COL6A1: variants seen among roughly 807,000 people sequenced by gnomAD.
COL6A1 encodes collagen alpha-1(VI) chain.
COL6A1 carries 80 observed loss-of-function variants against 145.6 expected under a neutral mutation model. That is an observed-to-expected ratio of 0.55 (90% CI 0.46 to 0.66). COL6A1 has a LOEUF of 0.66. Among genes scored for constraint, COL6A1 ranks in the 30% least tolerant of loss-of-function variants. The pLI, the probability that COL6A1 is intolerant of heterozygous loss-of-function variation, is 0.00. For missense variants in COL6A1, 1,364 were observed against 1,473.8 expected, an observed-to-expected ratio of 0.93 and a Z score of 1.22; for synonymous variants, 638 against 622.8, an observed-to-expected ratio of 1.02 and a Z score of -0.36.
At position 45,987,511 on chromosome 21, in the gene COL6A1, G is replaced by A. The variant is rs145849970; in HGVS notation, c.751G>A (p.Glu251Lys). 2.6e-4 allele frequency: 412 copies of A among 1,612,948 alleles called. 2 individuals carry two copies. The highest frequency in any genetic ancestry group is 1.2e-3 in the South Asian group (106 of 91,084). ...NNVEQVCCSFECQPARGPPGL... is the reference protein window; with the variant it reads ...NNVEQVCCSFKCQPARGPPGL... ...TTTCCCCCCACAGTGCTGCTCCTTC[G>A]AATGCCAGGTGAGTGTGCCCCCCGA... Residue 251 changes from glutamate to lysine, a missense_variant, in exon 7 of 35, where the codon GAA becomes AAA. Around this residue, in one of 3 missense-constraint regions of COL6A1, gnomAD observed 414 missense variants for 437.6 expected, o/e 0.95. Transcript: ENST00000361866.
In COL6A1 at chr21:45,997,519, G is replaced by GA. The variant is rs749128231; in HGVS notation, c.1461+36_1461+37insA. 2.1e-6 allele frequency: 3 copies of GA among 1,453,446 alleles called. 1 individual carries two copies. The highest frequency in any genetic ancestry group is 3.5e-4 in the Middle Eastern group (2 of 5,720). The allele number at this position is 1,453,446 out of a possible 1,614,324, so 90.0% of individuals were successfully genotyped here. ...CTCCCCACCCACACCCGCCCACCCA[G>GA]GGGGGCCTGAGGATCCAGAACCCAC... On this transcript the variant is annotated intron_variant, in intron 21 of 34. Transcript: ENST00000361866.
In COL6A1 at chr21:45,999,789, T is replaced by A; in HGVS notation, c.1776+97T>A. On this transcript the variant is annotated intron_variant, in intron 27 of 34. Transcript: ENST00000361866. The stretch of plus-strand genomic sequence containing the variant: ...CCATGGGTGCTCCTGTAGACGCTGC[T>A]CACGGGGGGGTGGGTTGTGGACAAA... The A allele has an allele frequency of 1.7e-4, 120 of 720,304 alleles. 1 individual carries two copies. The highest frequency in any genetic ancestry group is 2.4e-4 in the Non-Finnish European group (111 of 464,002). The allele number at this position is 720,304 out of a possible 1,614,324, so 44.6% of individuals were successfully genotyped here. A position where few individuals can be genotyped will look rare whatever the true frequency, so the allele number is the denominator to read the frequency against.
At position 46,003,002 on chromosome 21, in the gene COL6A1, G is replaced by A. The variant is rs888954166; in HGVS notation, c.2435-118G>A. 2.9e-5 allele frequency: 43 copies of A among 1,464,856 alleles called. No individual in the cohort carries two copies. The African/African-American group carries it at 3.6e-4, about 12-fold the overall frequency. The allele number at this position is 1,464,856 out of a possible 1,614,324, so 90.7% of individuals were successfully genotyped here. A position where few individuals can be genotyped will look rare whatever the true frequency, so the allele number is the denominator to read the frequency against. On this transcript the variant is annotated intron_variant, in intron 33 of 34. Coordinates refer to ENST00000361866, the MANE Select transcript of COL6A1 (RefSeq NM_001848.3). ...CCCACAGGCATCCTCCTCCCGGCTC[G>A]CTGTGACTTCCGGGGGCACGGCCAC...
In COL6A1 at chr21:46,003,773, C is replaced by T. The variant is rs575066401; in HGVS notation, c.2847C>T (p.Gly949=). The T allele has an allele frequency of 1.2e-5, 19 of 1,612,306 alleles. No homozygotes were observed. Among genetic ancestry groups the T allele is most frequent in the South Asian group, 1.1e-4 (10 of 91,064 alleles). ...TCTTCTCAGATGGCAACTCGCAGGGCGCCACGCCCGCTGCCATCGAGAAGG... is the reference window on the plus strand; with the variant it reads ...TCTTCTCAGATGGCAACTCGCAGGGTGCCACGCCCGCTGCCATCGAGAAGG... ...LLLFSDGNSQ[G]ATPAAIEKAV... The change falls in exon 35 of 35, where the codon GGC becomes GGT. Residue 949 remains glycine, a synonymous_variant. Coordinates refer to ENST00000361866, the MANE Select transcript of COL6A1 (RefSeq NM_001848.3).
chr21:45,999,915 T>TGGAGGGCATGTGAGGATCATGG (rs2077830011), intron 27 of COL6A1, among the ~76,000 whole-genome samples: 2 of 15,998 alleles, frequency 1.3e-4, no homozygotes, highest in Non-Finnish European at 2.8e-4. Context: ...GTGAGGATCA[T>TGGAGGGCATGTGAGGATCATGG]GGGGGACATG....
chr21:45,985,017 CAG>C (rs923779271), intron 3 of COL6A1, among the ~76,000 whole-genome samples: 4 of 148,548 alleles, frequency 2.7e-5, no homozygotes, highest in Admixed American at 6.7e-5. Flanking sequence ...TAGAAAAAGA[CAG>C]AGGCAGAGAG....
intron 19 of COL6A1, 59 bp downstream of exon 19, chr21:45,992,869 G>A (rs2077784871): frequency 6.8e-7 from 1 of 1,468,342 alleles, no homozygotes; most frequent in Non-Finnish European, 9.3e-7. Context: ...GGAGGCTGGG[G>A]CTGGGTCAGG....
At chr21:45,992,109 G>A (rs760059405) in intron 16 of COL6A1, 37 bp downstream of exon 16, 3 of 1,613,538 alleles carry the variant, frequency 1.9e-6, no homozygotes, top group Non-Finnish European at 2.5e-6. Context: ...TGCCAGGTAT[G>A]GGCCCAGGGA....
chr21:45,981,943 C>A lies in COL6A1; in HGVS notation c.93C>A (p.Phe31Leu), dbSNP rs753371577. ...CGGAGACCCCGAGGGCCGTGGCCTT[C>A]CAGGGTGAGTGGTGGCTTGGGGTGC... ...DEPETPRAVAFQDCPVDLFFV... is the reference protein window; with the variant it reads ...DEPETPRAVALQDCPVDLFFV... The change falls in exon 1 of 35, where the codon TTC becomes TTA. Residue 31 changes from phenylalanine (F) to leucine (L), a missense_variant. Physicochemically the swap from Phe to Leu is conservative, Grantham distance 22. Coordinates refer to ENST00000361866, the MANE Select transcript of COL6A1 (RefSeq NM_001848.3). 6 of 1,605,706 alleles carry A rather than the reference C, an allele frequency of 3.7e-6. No individual in the cohort carries two copies. In the East Asian group the frequency reaches 1.1e-4, roughly 30 times the overall value.
At chr21:45,995,931 C>A (rs1202754782) in intron 20 of COL6A1, among the ~76,000 whole-genome samples, 1 of 123,298 alleles carries the variant, frequency 8.1e-6, no homozygotes, top group African/African-American at 3.6e-5. Context: ...GCTGGCCTTC[C>A]GGGCTTTCCC....
In COL6A1 at chr21:45,987,793, G is replaced by A. The variant is rs559323218; in HGVS notation, c.804+139G>A. On this transcript the variant is annotated intron_variant, in intron 8 of 34. Coordinates refer to ENST00000361866, the MANE Select transcript of COL6A1 (RefSeq NM_001848.3). ...GGGTCCAGATGGAGGGGACGGCGGG[G>A]GTCCAGATGGAGGGGACGGCGGGAG... The A allele has an allele frequency of 1.1e-3, 549 of 484,380 alleles. 38 individuals carry two copies. Among genetic ancestry groups the A allele is most frequent in the Middle Eastern group, 3.1e-3 (5 of 1,602 alleles). The allele number at this position is 484,380 out of a possible 1,614,324, so 30.0% of individuals were successfully genotyped here. A position where few individuals can be genotyped will look rare whatever the true frequency, so the allele number is the denominator to read the frequency against.
At position 45,992,206 on chromosome 21, in the gene COL6A1, G is replaced by T; in HGVS notation, c.1225G>T (p.Ala409Ser). 6.2e-7 allele frequency: 1 copy of T among 1,613,684 alleles called. No homozygotes were observed. The highest frequency in any genetic ancestry group is 8.5e-7 in the Non-Finnish European group (1 of 1,179,992). Residue 409 changes from alanine to serine, a missense_variant, in exon 17 of 35, where the codon GCG becomes TCG. By Grantham distance (99) the Ala-to-Ser change is moderately conservative. Transcript: ENST00000361866. ...TGGGCCCCCCGGAGAGAAAGGAGAG[G>T]CGGGCGACGAGGTGAGTGAGGGCTC... is the stretch of plus-strand genomic sequence containing the variant. ...EPGPPGEKGEAGDEGNPGPDG... is the reference protein window; with the variant it reads ...EPGPPGEKGESGDEGNPGPDG...
chr21:46,001,029 C>T, intron 29 of COL6A1: 6 of 715,574 alleles, frequency 8.4e-6, no homozygotes, highest in Non-Finnish European at 1.4e-5. Flanking sequence ...GGCCCACAGG[C>T]CCCACCCTAG....
intron 23 of COL6A1, 83 bp from the exon 24 acceptor site, chr21:45,998,315 C>T: frequency 6.3e-7 from 1 of 1,596,344 alleles, no homozygotes; most frequent in Non-Finnish European, 8.6e-7. Flanking sequence ...ATTCTGTCAG[C>T]TCAGGCCCTT....
chr21:45,987,725 C>T, intron 8 of COL6A1, 71 bp downstream of exon 8: 2 of 1,526,140 alleles, frequency 1.3e-6, no homozygotes, highest in East Asian at 2.3e-5. Context: ...CCAAAGCCTC[C>T]TGGGCACCCA....
chr21:45,995,218 G>A (rs1350432518), intron 20 of COL6A1, among the ~76,000 whole-genome samples: 1 of 152,264 alleles, frequency 6.6e-6, no homozygotes, highest in Non-Finnish European at 1.5e-5. Context: ...ACCTGGTCCT[G>A]CGTGCCGCTC....
chr21:45,989,061 C>G, intron 8 of COL6A1, 23 bp from the exon 9 acceptor site: 1 of 1,610,878 alleles, frequency 6.2e-7, no homozygotes, highest in Non-Finnish European at 8.5e-7. Context: ...GCTGCCCCAA[C>G]CTTGACCTGT....
intron 27 of COL6A1, among the ~76,000 whole-genome samples, chr21:46,000,051 C>G (rs372293939): frequency 1.1e-4 from 3 of 27,288 alleles, no homozygotes; most frequent in Non-Finnish European, 2.1e-4. Context: ...TGGGGGGGGA[C>G]GTGTGAGGAT....
chr21:45,998,284 C>T, intron 23 of COL6A1, 113 bp downstream of exon 23: 1 of 1,580,354 alleles, frequency 6.3e-7, no homozygotes, highest in Non-Finnish European at 8.6e-7. Context: ...CGCCGGCTGG[C>T]CCAGGAATTC....
Sources: allele counts gnomAD v4.1 joint callset (sites outside exome capture counted in the v4.1 genomes callset), GRCh38; gene constraint gnomAD v4.1.1; regional missense constraint gnomAD v4.1.1; transcripts MANE v1.5; gene names NCBI Gene and HGNC (gene_info 2026-07-23, HGNC 2026-07-21).